Variants in ROR2 observed in about 807,000 individuals in gnomAD.
ROR2 encodes the protein tyrosine-protein kinase transmembrane receptor ROR2.
In ROR2, 33 loss-of-function variants were observed where a neutral mutation model predicts 74.9. That is an observed-to-expected ratio of 0.44 (90% CI 0.33 to 0.59). The LOEUF (loss-of-function observed/expected upper bound fraction) is 0.59, where lower values mean the gene tolerates loss of function less well. Ranked by LOEUF, ROR2 falls within the 20% of genes least tolerant of loss-of-function variation. The probability of loss-of-function intolerance (pLI) is 0.02; values close to 1 mark genes in which losing one functional copy is unlikely to be tolerated. For synonymous variants in ROR2, 586 were observed against 558.7 expected (o/e 1.05, Z -0.69); for missense variants, 1,216 against 1,313.8 (o/e 0.93, Z 1.15).
chr9:91,900,466 T>C (rs1004266567), intron 1 of ROR2, among the ~76,000 whole-genome samples: 14 of 152,192 alleles, frequency 9.2e-5, no homozygotes, highest in African/African-American at 3.4e-4. Flanking sequence ...CAAGAGAGGC[T>C]GGCAGGGACA....
intron 4 of ROR2, among the ~76,000 whole-genome samples, chr9:91,740,943 G>A (rs1375836239): frequency 6.6e-6 from 1 of 152,110 alleles, no homozygotes; most frequent in African/African-American, 2.4e-5. Context: ...GGCCTGACGG[G>A]ACATGGATGA....
At chr9:91,806,266 A>C (rs1363804866) in intron 1 of ROR2, among the ~76,000 whole-genome samples, 1 of 152,178 alleles carries the variant, frequency 6.6e-6, no homozygotes, top group African/African-American at 2.4e-5. Context: ...GCACTGGTGA[A>C]TTCATGTCTG....
At chr9:91,904,698 C>T (rs1463817534) in intron 1 of ROR2, among the ~76,000 whole-genome samples, 1 of 151,954 alleles carries the variant, frequency 6.6e-6, no homozygotes, top group African/African-American at 2.4e-5. Flanking sequence ...AAGATCCCAT[C>T]TCCACCCCAG....
chr9:91,833,598 C>T (rs974818232), intron 1 of ROR2, among the ~76,000 whole-genome samples: 5 of 152,274 alleles, frequency 3.3e-5, no homozygotes, highest in African/African-American at 9.6e-5. Flanking sequence ...CCCTCAATGA[C>T]CCCCTATCGA....
chr9:91,891,176 A>G (rs1830409222), intron 1 of ROR2, among the ~76,000 whole-genome samples: 1 of 152,218 alleles, frequency 6.6e-6, no homozygotes, highest in Non-Finnish European at 1.5e-5. Context: ...TGTACATCAG[A>G]AGTCTAAGAA....
intron 1 of ROR2, among the ~76,000 whole-genome samples, chr9:91,891,171 A>G (rs1830409124): frequency 6.6e-6 from 1 of 152,206 alleles, no homozygotes; most frequent in African/African-American, 2.4e-5. Context: ...GGTTCTGTAC[A>G]TCAGAAGTCT....
intron 1 of ROR2, among the ~76,000 whole-genome samples, chr9:91,897,289 C>T (rs1439526490): frequency 5.3e-5 from 8 of 152,220 alleles, no homozygotes; most frequent in Non-Finnish European, 1.0e-4. Flanking sequence ...CAAACATGGT[C>T]TCTTGTTTTA....
At chr9:91,834,845 G>A (rs2098267132) in intron 1 of ROR2, among the ~76,000 whole-genome samples, 1 of 152,238 alleles carries the variant, frequency 6.6e-6, no homozygotes, top group Admixed American at 6.5e-5. Flanking sequence ...CTCCTGCAGA[G>A]CTCAAGATAA....
intron 2 of ROR2, among the ~76,000 whole-genome samples, chr9:91,763,524 C>T (rs966135820): frequency 1.4e-4 from 22 of 152,310 alleles, no homozygotes; most frequent in Middle Eastern, 3.4e-3. Flanking sequence ...ATAGGTGCTG[C>T]GCTACAGTTT....
rs535077483 is a variant in ROR2 at position 91,780,139 on chromosome 9, C to T, written c.98-4321G>A. ...AGGCACAGTGGCTCACGCCTGTAAT[C>T]CCATCACTTTGGGAGGCCAAGGCGG... On this transcript the variant is annotated intron_variant, in intron 1 of 8. Transcript: ENST00000375708. 1.1e-3 allele frequency among the ~76,000 whole-genome samples: 165 copies of T among 152,338 alleles called. 1 individual carries two copies. The highest frequency in any genetic ancestry group is 3.6e-3 in the African/African-American group (149 of 41,578).
At chr9:91,840,074 G>A (rs73651570) in intron 1 of ROR2, among the ~76,000 whole-genome samples, 27,372 of 151,948 alleles carry the variant, frequency 0.18, 4,217 homozygotes, top group African/African-American at 0.42. Flanking sequence ...CACCCTGCCC[G>A]GGAAATGCCC....
chr9:91,806,481 T>C (rs1173727095), intron 1 of ROR2, among the ~76,000 whole-genome samples: 1 of 152,180 alleles, frequency 6.6e-6, no homozygotes, highest in African/African-American at 2.4e-5. Flanking sequence ...AATATAGGCA[T>C]TTTACGGAGA....
intron 1 of ROR2, among the ~76,000 whole-genome samples, chr9:91,889,750 G>A (rs557727533): frequency 9.8e-5 from 15 of 152,306 alleles, no homozygotes; most frequent in Non-Finnish European, 1.5e-4. Context: ...ATTTCTTGAA[G>A]TCCAAAAACT....
At chr9:91,744,020 G>A (rs918261333) in intron 4 of ROR2, among the ~76,000 whole-genome samples, 1 of 152,156 alleles carries the variant, frequency 6.6e-6, no homozygotes. Context: ...GGAATGAAGT[G>A]CTGTATAGTT....
intron 1 of ROR2, among the ~76,000 whole-genome samples, chr9:91,906,475 C>T (rs1358357044): frequency 6.6e-6 from 1 of 152,202 alleles, no homozygotes; most frequent in Non-Finnish European, 1.5e-5. Context: ...CACAAGTCCA[C>T]TGCAGGTAGA....
At chr9:91,839,468 G>A (rs960124225) in intron 1 of ROR2, among the ~76,000 whole-genome samples, 2 of 151,308 alleles carry the variant, frequency 1.3e-5, no homozygotes, top group African/African-American at 4.9e-5. Context: ...GTATATGTGA[G>A]GTGTATACGC....
intron 1 of ROR2, among the ~76,000 whole-genome samples, chr9:91,782,584 C>CA (rs55664591): frequency 0.022 from 1,758 of 79,464 alleles, 21 homozygotes; most frequent in East Asian, 0.031. Flanking sequence ...TAGCTGATAG[C>CA]AAAAAAAAAA....
intron 1 of ROR2, among the ~76,000 whole-genome samples, chr9:91,792,903 A>C (rs1313428451): frequency 6.6e-6 from 1 of 152,192 alleles, no homozygotes; most frequent in Non-Finnish European, 1.5e-5. Context: ...AAACAAAAAC[A>C]AAACAAAATG....
chr9:91,805,431 C>T (rs958585045), intron 1 of ROR2, among the ~76,000 whole-genome samples: 1 of 152,220 alleles, frequency 6.6e-6, no homozygotes, highest in Admixed American at 6.5e-5. Flanking sequence ...CAGCCCCTCT[C>T]CTTCCATTAG....
Sources: gnomAD v4.1 joint callset for allele counts (sites outside exome capture counted in the v4.1 genomes callset) on GRCh38, gnomAD v4.1.1 for gene constraint, MANE v1.5 for transcripts, NCBI Gene and HGNC (gene_info 2026-07-23, HGNC 2026-07-21) for gene names.